Variants in ANO2 observed in about 807,000 individuals in gnomAD.
ANO2 encodes anoctamin 2, also known as anoctamin-2.
A neutral mutation model predicts 124.2 loss-of-function variants in ANO2; 101 were observed. The ratio of observed to expected loss-of-function variants is 0.81; its 90% confidence interval spans 0.69 to 0.96. The LOEUF is 0.96. ANO2 is among the 40% of genes least tolerant of loss of function. The probability of loss-of-function intolerance (pLI) is 0.00; values close to 1 mark genes in which losing one functional copy is unlikely to be tolerated. For synonymous variants in ANO2, 486 were observed against 482.5 expected, an observed-to-expected ratio of 1.01 and a Z score of -0.09; for missense variants, 1,293 against 1,274.5, an observed-to-expected ratio of 1.01 and a Z score of -0.22.
intron 14 of ANO2, among the ~76,000 whole-genome samples, chr12:5,677,920 C>A (rs557894503): frequency 6.6e-6 from 1 of 152,238 alleles, no homozygotes; most frequent in East Asian, 1.9e-4. Flanking sequence ...GGACGAGCAG[C>A]AGAGTGGCAT....
In ANO2 at chr12:5,655,799, A is replaced by G. The variant is rs534929860; in HGVS notation, c.1546-7998T>C. 2.0e-5 allele frequency among the ~76,000 whole-genome samples: 3 copies of G among 152,334 alleles called. No individual in the cohort carries two copies. In the South Asian group the frequency reaches 6.2e-4, roughly 32 times the overall value. ...TCTGGAATCCAATGTGTGTGAGTCC[A>G]GTGCCTTCCTTGTACTCCACAGCCT... On this transcript the variant is annotated intron_variant, in intron 14 of 24. Transcript: ENST00000682330.
rs112771756 is a variant in ANO2 at position 5,613,177 on chromosome 12, G to A, written c.1929-219C>T. ...TTCTTAACCCAGTCAAATGTCAGAC[G>A]ATAGGAATAAGCTGGGCAGAGGATG... On this transcript the variant is annotated intron_variant, in intron 17 of 24. Transcript: ENST00000682330. 5.3e-5 allele frequency among the ~76,000 whole-genome samples: 8 copies of A among 152,088 alleles called. No individual in the cohort carries two copies. In the South Asian group the frequency reaches 8.3e-4, roughly 16 times the overall value.
At chr12:5,684,162 G>T (rs1948612118) in intron 14 of ANO2, among the ~76,000 whole-genome samples, 1 of 152,120 alleles carries the variant, frequency 6.6e-6, no homozygotes, top group Non-Finnish European at 1.5e-5. Context: ...AAGCCCTGGG[G>T]CTCCTCTGCT....
At chr12:5,712,802 C>T (rs566243471) in intron 14 of ANO2, among the ~76,000 whole-genome samples, 4 of 152,198 alleles carry the variant, frequency 2.6e-5, no homozygotes, top group Admixed American at 2.0e-4. Context: ...AGCAAAGAGG[C>T]TTTTGCATGT....
chr12:5,898,730 T>TG (rs1348937468), intron 3 of ANO2, among the ~76,000 whole-genome samples: 4 of 152,020 alleles, frequency 2.6e-5, no homozygotes, highest in African/African-American at 9.7e-5. Flanking sequence ...CTTTGGGTGG[T>TG]GGGGGTAGGG....
At chr12:5,785,443 C>T (rs139789981) in intron 10 of ANO2, among the ~76,000 whole-genome samples, 328 of 152,248 alleles carry the variant, frequency 2.2e-3, no homozygotes, top group African/African-American at 7.3e-3. Flanking sequence ...CTTCACTGCT[C>T]ACTGGTCCTG....
chr12:5,639,024 C>T (rs746665477), intron 15 of ANO2, among the ~76,000 whole-genome samples: 27 of 152,242 alleles, frequency 1.8e-4, no homozygotes, highest in South Asian at 8.3e-4. Context: ...CACAGGCCTC[C>T]GTTCACGAGC....
intron 14 of ANO2, 41 bp from the exon 15 acceptor site, chr12:5,647,842 A>T (rs757688197): frequency 2.1e-6 from 3 of 1,445,200 alleles, no homozygotes; most frequent in Non-Finnish European, 2.9e-6. Flanking sequence ...AGGAGGCACA[A>T]ATAACAGATA....
At chr12:5,751,172 T>C (rs928336710) in intron 10 of ANO2, among the ~76,000 whole-genome samples, 4 of 152,194 alleles carry the variant, frequency 2.6e-5, no homozygotes, top group South Asian at 2.1e-4. Flanking sequence ...ATGACGTGCA[T>C]TCCATTGGAA....
chr12:5,720,328 G>A (rs1234271121), intron 14 of ANO2, among the ~76,000 whole-genome samples: 1 of 152,106 alleles, frequency 6.6e-6, no homozygotes, highest in Non-Finnish European at 1.5e-5. Context: ...TTTTGACCCT[G>A]GAGGAATTTT....
chr12:5,622,002 C>A (rs528301239), intron 16 of ANO2, among the ~76,000 whole-genome samples: 342 of 152,238 alleles, frequency 2.2e-3, no homozygotes, highest in African/African-American at 7.9e-3. Context: ...AACAACAACA[C>A]AATCACATCT....
chr12:5,571,412 G>A (rs1041725304), intron 23 of ANO2, among the ~76,000 whole-genome samples: 2 of 152,244 alleles, frequency 1.3e-5, no homozygotes, highest in Non-Finnish European at 2.9e-5. Context: ...CCGGAGACTT[G>A]TGCTAACTTT....
intron 16 of ANO2, among the ~76,000 whole-genome samples, chr12:5,615,602 G>A (rs1036650040): frequency 6.6e-6 from 1 of 152,124 alleles, no homozygotes; most frequent in Admixed American, 6.5e-5. Context: ...AGCATGCAGA[G>A]CTTGCAACCA....
In ANO2 at chr12:5,827,654, TG is replaced by T. The variant is rs976174605; in HGVS notation, c.892+114del. ...CAGCCCAAGCTAAGCAGCCTCTCCG[TG>T]GGGGGCATTTGCTTGTTTTGTTCTT... On this transcript the variant is annotated intron_variant, in intron 7 of 24. Coordinates refer to ENST00000682330, the MANE Select transcript of ANO2 (RefSeq NM_001364791.2). The T allele has an allele frequency of 1.4e-5, 18 of 1,241,572 alleles. No homozygotes were observed. The African/African-American group carries it at 1.8e-4, about 12-fold the overall frequency. 76.9% of individuals were successfully genotyped at this position (1,241,572 alleles called of 1,614,324 possible).
intron 14 of ANO2, among the ~76,000 whole-genome samples, chr12:5,685,928 G>A (rs1283549478): frequency 6.6e-6 from 1 of 152,210 alleles, no homozygotes; most frequent in Non-Finnish European, 1.5e-5. Flanking sequence ...CAGAGGGCTG[G>A]CCATTTCCCC....
Position 5,647,743 on chromosome 12 carries a change from G to A in ANO2, c.1604C>T (p.Ala535Val), listed in dbSNP as rs1221009070. ...DRFPGYLMNFASILFMIALTF... is the reference protein window; with the variant it reads ...DRFPGYLMNFVSILFMIALTF... Reference sequence around the variant, plus strand: ...GGAAATTACCATGAATAAGATGGAGGCAAAGTTCATCAGGTAACCTGGGAA... The same window carrying A: ...GGAAATTACCATGAATAAGATGGAGACAAAGTTCATCAGGTAACCTGGGAA... The change falls in exon 15 of 25, where the codon GCC (alanine) becomes GTC (valine). Residue 535 changes from alanine (A) to valine (V), a missense_variant. Coordinates refer to ENST00000682330, the MANE Select transcript of ANO2 (RefSeq NM_001364791.2). 1 of 1,610,058 alleles carries A rather than the reference G, an allele frequency of 6.2e-7. No individual in the cohort carries two copies. Among genetic ancestry groups the A allele is most frequent in the Admixed American group, 1.7e-5 (1 of 59,632 alleles).
At chr12:5,719,600 T>A (rs746533262) in intron 14 of ANO2, among the ~76,000 whole-genome samples, 5 of 152,184 alleles carry the variant, frequency 3.3e-5, no homozygotes, top group Non-Finnish European at 7.4e-5. Context: ...CAAGGCACCA[T>A]CTTGGAAGCA....
At chr12:5,722,583 G>T (rs751598973) in intron 14 of ANO2, among the ~76,000 whole-genome samples, 1 of 152,184 alleles carries the variant, frequency 6.6e-6, no homozygotes, top group Admixed American at 6.5e-5. Context: ...GGCGGTGTAC[G>T]GATGTCAAGC....
Position 5,922,251 on chromosome 12 carries a change from C to T in ANO2, c.207+369G>A, listed in dbSNP as rs976922665. 2.6e-5 allele frequency among the ~76,000 whole-genome samples: 4 copies of T among 152,326 alleles called. No individual in the cohort carries two copies. In the East Asian group the frequency reaches 7.7e-4, roughly 29 times the overall value. On this transcript the variant is annotated intron_variant, in intron 2 of 24. Transcript: ENST00000682330. ...GTTTGAAACCCAGCTGCCTCTGCAG[C>T]CACCTGAGAGGTCACCTGGGCAACC...
Sources: allele counts gnomAD v4.1 joint callset (sites outside exome capture counted in the v4.1 genomes callset), GRCh38; gene constraint gnomAD v4.1.1; transcripts MANE v1.5; gene names NCBI Gene and HGNC (gene_info 2026-07-23, HGNC 2026-07-21).